Variants in NAV3 observed in about 807,000 individuals in gnomAD.
The protein encoded by NAV3 is neuron navigator 3.
NAV3 carries 87 observed loss-of-function variants against 244.7 expected under a neutral mutation model. The ratio of observed to expected loss-of-function variants is 0.36; its 90% confidence interval spans 0.30 to 0.42. The LOEUF is 0.42. Ranked by LOEUF, NAV3 falls within the 20% of genes least tolerant of loss-of-function variation. The pLI is 1.00. For missense variants in NAV3, 2,663 were observed against 2,893.3 expected (o/e 0.92, Z 1.83); for synonymous variants, 1,126 against 1,042.2 (o/e 1.08, Z -1.55).
At chr12:78,118,003 T>C (rs779633482) in intron 13 of NAV3, 24 bp from the exon 14 acceptor site, 93 of 1,528,894 alleles carry the variant, frequency 6.1e-5, no homozygotes, top group Non-Finnish European at 8.1e-5. Context: ...ACATAAAGTT[T>C]TTCTGTAATA....
chr12:77,897,974 A>G (rs969238678), intron 1 of NAV3, among the ~76,000 whole-genome samples: 1 of 152,214 alleles, frequency 6.6e-6, no homozygotes, highest in African/African-American at 2.4e-5. Flanking sequence ...TTTAGGTCAC[A>G]AGGAGTTTTC....
chr12:77,659,726 T>A (rs145214324), intron 2 of NAV3, among the ~76,000 whole-genome samples: 6,045 of 152,090 alleles, frequency 0.04, 194 homozygotes, highest in African/African-American at 0.055. Flanking sequence ...TCCAACAATG[T>A]TAGACTGGAT....
chr12:77,690,935 A>G (rs1034961740), intron 2 of NAV3, among the ~76,000 whole-genome samples: 2 of 151,096 alleles, frequency 1.3e-5, no homozygotes, highest in Admixed American at 1.3e-4. Context: ...GGTCTTCAAA[A>G]TGCCTCAAGA....
intron 12 of NAV3, among the ~76,000 whole-genome samples, chr12:78,116,221 G>A (rs991998290): frequency 3.3e-5 from 5 of 152,188 alleles, no homozygotes; most frequent in African/African-American, 9.6e-5. Flanking sequence ...GAAATGTGAG[G>A]GATGGCAGGA....
At chr12:77,953,016 T>G (rs1174049514) in intron 3 of NAV3, among the ~76,000 whole-genome samples, 2 of 152,122 alleles carry the variant, frequency 1.3e-5, no homozygotes, top group Non-Finnish European at 2.9e-5. Flanking sequence ...AAGCAGAAAT[T>G]TATTAAAAAA....
At chr12:77,930,195 G>C (rs1035709261) in intron 1 of NAV3, among the ~76,000 whole-genome samples, 4 of 151,936 alleles carry the variant, frequency 2.6e-5, no homozygotes, top group Admixed American at 6.6e-5. Flanking sequence ...TGGTATATAA[G>C]GACTTTGCTT....
chr12:77,705,235 A>G (rs1409334097), intron 2 of NAV3, among the ~76,000 whole-genome samples: 1 of 151,788 alleles, frequency 6.6e-6, no homozygotes, highest in Non-Finnish European at 1.5e-5. Flanking sequence ...CATGGCCAAC[A>G]TAGCGAAACC....
intron 1 of NAV3, among the ~76,000 whole-genome samples, chr12:77,903,584 A>G (rs1374587811): frequency 3.9e-5 from 6 of 152,154 alleles, no homozygotes; most frequent in African/African-American, 7.2e-5. Context: ...ATAGGCATGG[A>G]CAAGGACTTC....
At chr12:78,168,371 T>G (rs1421089223) in intron 23 of NAV3, among the ~76,000 whole-genome samples, 1 of 151,848 alleles carries the variant, frequency 6.6e-6, no homozygotes, top group African/African-American at 2.4e-5. Flanking sequence ...TACAATACAA[T>G]GCAACAGTGC....
chr12:77,629,835 A>G (rs1371942518), intron 2 of NAV3, among the ~76,000 whole-genome samples: 2 of 152,138 alleles, frequency 1.3e-5, no homozygotes, highest in Non-Finnish European at 2.9e-5. Context: ...CACGTTGAAA[A>G]TTGGAACAAA....
chr12:78,148,753 A>G (rs1305110560), intron 21 of NAV3, 89 bp from the exon 22 acceptor site: 11 of 1,151,752 alleles, frequency 9.6e-6, no homozygotes, highest in Non-Finnish European at 1.1e-5. Flanking sequence ...AGAATGAGCT[A>G]AATACAGCAT....
intron 8 of NAV3, among the ~76,000 whole-genome samples, chr12:78,014,623 A>G (rs1593281241): frequency 1.3e-5 from 2 of 152,194 alleles, no homozygotes; most frequent in South Asian, 4.1e-4. Context: ...AGGGAAATTG[A>G]CATTTTAATA....
At chr12:78,202,483 A>G (rs887650324) in intron 38 of NAV3, among the ~76,000 whole-genome samples, 1 of 152,038 alleles carries the variant, frequency 6.6e-6, no homozygotes, top group African/African-American at 2.4e-5. Flanking sequence ...TTCTTTTTTC[A>G]TATTTAAATT....
chr12:77,822,320 C>A (rs1029591254), intron 2 of NAV3, among the ~76,000 whole-genome samples: 1 of 152,064 alleles, frequency 6.6e-6, no homozygotes, highest in African/African-American at 2.4e-5. Context: ...CTATTTAATC[C>A]CTTGTACTCA....
chr12:78,082,552 A>G (rs2137852270), intron 12 of NAV3, among the ~76,000 whole-genome samples: 1 of 152,198 alleles, frequency 6.6e-6, no homozygotes, highest in Middle Eastern at 3.4e-3. Flanking sequence ...CTGTTAGTCT[A>G]TTGTTAAACA....
At chr12:77,909,107 C>T (rs1042975894) in intron 1 of NAV3, among the ~76,000 whole-genome samples, 2 of 151,992 alleles carry the variant, frequency 1.3e-5, no homozygotes, top group Non-Finnish European at 2.9e-5. Flanking sequence ...TATAAAGCCC[C>T]TTATATATGT....
chr12:77,761,132 C>T (rs1385161415), intron 2 of NAV3, among the ~76,000 whole-genome samples: 1 of 152,146 alleles, frequency 6.6e-6, no homozygotes. Flanking sequence ...TATCTCGGCT[C>T]ACTGCAACCT....
chr12:77,994,753 C>A (rs2136399426), intron 5 of NAV3, 50 bp from the exon 6 acceptor site: 2 of 1,436,986 alleles, frequency 1.4e-6, no homozygotes, highest in Non-Finnish European at 1.9e-6. Flanking sequence ...GCTTTCCTTC[C>A]ATGTTCAAAG....
intron 2 of NAV3, among the ~76,000 whole-genome samples, chr12:77,785,002 G>A (rs1271172950): frequency 6.6e-6 from 1 of 152,110 alleles, no homozygotes; most frequent in Non-Finnish European, 1.5e-5. Flanking sequence ...AGTTGACATT[G>A]GGAGAAGTAT....
Sources: allele counts gnomAD v4.1 joint callset (sites outside exome capture counted in the v4.1 genomes callset), GRCh38; gene constraint gnomAD v4.1.1; transcripts MANE v1.5; gene names NCBI Gene and HGNC (gene_info 2026-07-23, HGNC 2026-07-21).